Variants in PCDHGB2 observed in about 807,000 individuals in gnomAD.
PCDHGB2 encodes the protein protocadherin gamma-B2.
In PCDHGB2, 55 loss-of-function variants were observed where a neutral mutation model predicts 59.3. The observed-to-expected ratio is 0.93, with a 90% CI of 0.75 to 1.16. The LOEUF (loss-of-function observed/expected upper bound fraction) is 1.16. PCDHGB2 is among the 50% of genes most tolerant of loss of function. The pLI is 0.00. For missense variants in PCDHGB2, 1,228 were observed against 1,198.5 expected (o/e 1.02, Z -0.36); for synonymous variants, 516 against 512.0 (o/e 1.01, Z -0.11).
chr5:141,392,202 T>A (rs534571054), intron 1 of PCDHGB2: 1 of 152,352 alleles, frequency 6.6e-6, no homozygotes, highest in South Asian at 2.1e-4. Context: ...AGTCTCAAGA[T>A]AAATTCATTT....
intron 1 of PCDHGB2, chr5:141,394,570 A>G: frequency 6.2e-7 from 1 of 1,613,768 alleles, no homozygotes; most frequent in Non-Finnish European, 8.5e-7. Flanking sequence ...GAGCGTGGCT[A>G]CCTGGTGACC....
At chr5:141,387,837 T>G (rs2091115137) in intron 1 of PCDHGB2, 1 of 1,597,490 alleles carries the variant, frequency 6.3e-7, no homozygotes, top group African/African-American at 1.3e-5. Flanking sequence ...AGGTTATTTG[T>G]AACCCGGCGT....
At chr5:141,394,359 G>A in intron 1 of PCDHGB2, 3 of 1,614,204 alleles carry the variant, frequency 1.9e-6, no homozygotes, top group Non-Finnish European at 2.5e-6. Context: ...TGTCCTGTAT[G>A]CGCTGCAATC....
At position 141,409,547 on chromosome 5, in the gene PCDHGB2, G is replaced by T. The variant is rs760802690; in HGVS notation, c.2421+46991G>T. Reference sequence around the variant, plus strand: ...GTATGTCGCTGACATCAACGACAACGCCCCAGTTTTCGACCAGACGTCCTA... The same window carrying T: ...GTATGTCGCTGACATCAACGACAACTCCCCAGTTTTCGACCAGACGTCCTA... On this transcript the variant is annotated intron_variant, in intron 1 of 3. Coordinates refer to ENST00000522605, the MANE Select transcript of PCDHGB2 (RefSeq NM_018923.3). The T allele has an allele frequency of 2.4e-5, 39 of 1,613,818 alleles. No individual in the cohort carries two copies. The highest frequency in any genetic ancestry group is 3.1e-5 in the Non-Finnish European group (36 of 1,179,900).
intron 1 of PCDHGB2, chr5:141,365,861 A>T (rs755321974): frequency 3.1e-6 from 5 of 1,613,912 alleles, no homozygotes; most frequent in Non-Finnish European, 4.2e-6. Context: ...TAACTCTGAC[A>T]CCGGTGTCCT....
At chr5:141,394,376 C>G (rs1407081878) in intron 1 of PCDHGB2, 29 of 1,614,222 alleles carry the variant, frequency 1.8e-5, no homozygotes, top group Non-Finnish European at 2.5e-5. Flanking sequence ...AATCTTTCGA[C>G]TATGAGCAGA....
In PCDHGB2 at chr5:141,360,495, A is replaced by G; in HGVS notation, c.360A>G (p.Ala120=). ...ATCCACTAAATATTTTCTACATAGC[A>G]GTAATTGTGCAGGATATAAATGATA... ...AENPLNIFYI[A]VIVQDINDNT... Residue 120 remains alanine, a synonymous_variant, in exon 1 of 4, where the codon GCA becomes GCG. Coordinates refer to ENST00000522605, the MANE Select transcript of PCDHGB2 (RefSeq NM_018923.3). The G allele has an allele frequency of 6.2e-7, 1 of 1,613,988 alleles. No individual in the cohort carries two copies. The highest frequency in any genetic ancestry group is 8.5e-7 in the Non-Finnish European group (1 of 1,179,888).
chr5:141,419,138 A>C, intron 1 of PCDHGB2: 1 of 1,613,920 alleles, frequency 6.2e-7, no homozygotes, highest in Non-Finnish European at 8.5e-7. Context: ...AGCCACAGAC[A>C]GGGGCAAGCC....
Position 141,477,203 on chromosome 5 carries a change from G to A in PCDHGB2, c.2422-17604G>A. The A allele has an allele frequency of 6.2e-7, 1 of 1,614,176 alleles. No individual in the cohort carries two copies. The highest frequency in any genetic ancestry group is 8.5e-7 in the Non-Finnish European group (1 of 1,180,050). ...CACCTCCGTGTACAGCCCAGTACCC[G>A]AGGATGCCCCTCTGGGGACTGTCAT... On this transcript the variant is annotated intron_variant, in intron 1 of 3. Coordinates refer to ENST00000522605, the MANE Select transcript of PCDHGB2 (RefSeq NM_018923.3). This position sits in a 1 kb window ranked among gnomAD's most constrained non-coding sequence, Gnocchi z 4.9.
In PCDHGB2 at chr5:141,361,247, CGAGAGACAGAGACTCTG is replaced by C; in HGVS notation, c.1117_1133del (p.Asp373LysfsTer70). 2.5e-6 allele frequency: 4 copies of C among 1,613,946 alleles called. No homozygotes were observed. Among genetic ancestry groups the C allele is most frequent in the Non-Finnish European group, 3.4e-6 (4 of 1,179,870 alleles). Reference sequence around the variant, plus strand: ...GGAACAGTGATCGCCTTGATAAAAACGAGAGACAGAGACTCTGGAGAAAATGGAGAAGTTTACTGCCA... The same window carrying C: ...GGAACAGTGATCGCCTTGATAAAAACGAGAAAATGGAGAAGTTTACTGCCA... On this transcript the variant is annotated frameshift_variant, in exon 1 of 4. Transcript: ENST00000522605. LOFTEE classifies it high-confidence loss of function.
Position 141,477,388 on chromosome 5 carries a change from C to T in PCDHGB2, c.2422-17419C>T. The T allele has an allele frequency of 6.2e-7, 1 of 1,614,136 alleles. No homozygotes were observed. The highest frequency in any genetic ancestry group is 8.5e-7 in the Non-Finnish European group (1 of 1,180,014). On this transcript the variant is annotated intron_variant, in intron 1 of 3. Transcript: ENST00000522605. The surrounding 1 kb of genome is among the most constrained non-coding windows in gnomAD (Gnocchi z 4.9). Reference sequence around the variant, plus strand: ...ATCGGGAGACTGTGCCAGAATACAACCTCAGCATCACCGCCCGAGACGCCG... The same window carrying T: ...ATCGGGAGACTGTGCCAGAATACAATCTCAGCATCACCGCCCGAGACGCCG...
At chr5:141,443,760 T>C (rs894568340) in intron 1 of PCDHGB2, among the ~76,000 whole-genome samples, 20 of 152,040 alleles carry the variant, frequency 1.3e-4, no homozygotes, top group African/African-American at 4.6e-4. Context: ...AAGCTTACAA[T>C]ATACAATATT....
chr5:141,444,710 T>A (rs2098445001), intron 1 of PCDHGB2, among the ~76,000 whole-genome samples: 1 of 152,236 alleles, frequency 6.6e-6, no homozygotes, highest in Admixed American at 6.5e-5. Flanking sequence ...TTCTGTTGAA[T>A]TTGCTTGGTG....
At chr5:141,492,755 C>T (rs938918009) in intron 1 of PCDHGB2, among the ~76,000 whole-genome samples, 3 of 152,262 alleles carry the variant, frequency 2.0e-5, no homozygotes, top group African/African-American at 7.2e-5. Flanking sequence ...CGCGGCAGGG[C>T]TCCGCGTTGG....
chr5:141,372,648 T>C, intron 1 of PCDHGB2: 1 of 1,614,024 alleles, frequency 6.2e-7, no homozygotes, highest in Non-Finnish European at 8.5e-7. Flanking sequence ...GCCTTATTCC[T>C]ACAATCCGTG....
intron 1 of PCDHGB2, among the ~76,000 whole-genome samples, chr5:141,387,047 TTGTGTAA>T (rs1005909383): frequency 1.3e-4 from 20 of 152,186 alleles, no homozygotes; most frequent in African/African-American, 4.8e-4. Flanking sequence ...AGTAAAATAA[TTGTGTAA>T]TGAGGAGAGG....
intron 1 of PCDHGB2, chr5:141,365,106 C>G: frequency 1.2e-6 from 2 of 1,613,862 alleles, no homozygotes; most frequent in Non-Finnish European, 1.7e-6. Flanking sequence ...CCTGTGGGCA[C>G]TCGGCTGCTC....
chr5:141,474,321 A>G (rs75620387), intron 1 of PCDHGB2, among the ~76,000 whole-genome samples: 2,046 of 152,326 alleles, frequency 0.013, 15 homozygotes, highest in Middle Eastern at 0.034. Context: ...GTGTTTTCAA[A>G]TCACCCTGAT....
intron 1 of PCDHGB2, chr5:141,416,834 C>T (rs966016844): frequency 4.6e-5 from 7 of 151,848 alleles, no homozygotes; most frequent in Non-Finnish European, 1.0e-4. Flanking sequence ...TTCTCAAGAC[C>T]CTTATAATTC....
Sources: allele counts gnomAD v4.1 joint callset (sites outside exome capture counted in the v4.1 genomes callset), GRCh38; gene constraint gnomAD v4.1.1; non-coding constraint Gnocchi (gnomAD v3.1); transcripts MANE v1.5; gene names NCBI Gene and HGNC (gene_info 2026-07-23, HGNC 2026-07-21).